The following PTPN14 variants were observed in gnomAD, a reference collection of about 807,000 sequenced individuals.
The protein encoded by PTPN14 is protein tyrosine phosphatase non-receptor type 14.
In PTPN14, 53 loss-of-function variants were observed where a neutral mutation model predicts 126.8. That is an observed-to-expected ratio of 0.42 (90% CI 0.34 to 0.53). The LOEUF (loss-of-function observed/expected upper bound fraction) is 0.53, where lower values mean the gene tolerates loss of function less well. Ranked by LOEUF, PTPN14 falls within the 20% of genes least tolerant of loss-of-function variation. The probability of loss-of-function intolerance (pLI) is 0.08; values close to 1 mark genes in which losing one functional copy is unlikely to be tolerated. For synonymous variants in PTPN14, 630 were observed against 599.3 expected (o/e 1.05, Z -0.75); for missense variants, 1,257 against 1,552.9 (o/e 0.81, Z 3.20).
chr1:214,373,600 CA>C (rs1658271646), intron 15 of PTPN14, among the ~76,000 whole-genome samples: 1 of 141,478 alleles, frequency 7.1e-6, no homozygotes, highest in Admixed American at 7.2e-5. Flanking sequence ...CACACACACA[CA>C]CACACACCTG....
chr1:214,530,920 T>C (rs904811251), intron 1 of PTPN14: 1 of 152,192 alleles, frequency 6.6e-6, no homozygotes, highest in African/African-American at 2.4e-5. Flanking sequence ...TCTATATTAA[T>C]ATAAAACATC....
At chr1:214,359,193 C>G (rs576884723) in intron 18 of PTPN14, among the ~76,000 whole-genome samples, 35 of 151,854 alleles carry the variant, frequency 2.3e-4, no homozygotes, top group Non-Finnish European at 4.6e-4. Context: ...GGAGTAAAAG[C>G]CTTCAACTGA....
At chr1:214,390,425 C>T (rs12078216) in intron 11 of PTPN14, among the ~76,000 whole-genome samples, 37,704 of 152,154 alleles carry the variant, frequency 0.25, 4,881 homozygotes, top group South Asian at 0.34. Flanking sequence ...AATTCAAACT[C>T]TGCTGGCTAA....
At chr1:214,386,546 C>T (rs908531777) in intron 12 of PTPN14, among the ~76,000 whole-genome samples, 4 of 152,176 alleles carry the variant, frequency 2.6e-5, no homozygotes, top group Admixed American at 6.5e-5. Context: ...GAAGTGCATT[C>T]GCTTGGGCTG....
At chr1:214,516,961 C>T (rs1380082519) in intron 1 of PTPN14, among the ~76,000 whole-genome samples, 1 of 152,124 alleles carries the variant, frequency 6.6e-6, no homozygotes, top group African/African-American at 2.4e-5. Context: ...AAGGCACCTG[C>T]TCTCCTCTCT....
In PTPN14 at chr1:214,369,550, G is replaced by T. The variant is rs199690849; in HGVS notation, c.3178C>A (p.His1060Asn). 14 of 1,614,126 alleles carry T rather than the reference G, an allele frequency of 8.7e-6. No homozygotes were observed. The highest frequency in any genetic ancestry group is 6.7e-5 in the Admixed American group (4 of 60,014). The stretch of plus-strand genomic sequence containing the variant: ...GTCCTTTCTTGCCCAGACAAAAGGT[G>T]CTTGACCTTCAAGCCCGTGGTTGCA... ...CYATTGLKVK[H>N]LLSGQERTVW... The change falls in exon 17 of 19, where the codon CAC becomes AAC. Residue 1060 changes from histidine (H) to asparagine (N), a missense_variant. By Grantham distance (68) the His-to-Asn change is moderately conservative. Transcript: ENST00000366956.
intron 18 of PTPN14, among the ~76,000 whole-genome samples, chr1:214,360,576 G>A (rs773820743): frequency 1.3e-5 from 2 of 152,112 alleles, no homozygotes; most frequent in Non-Finnish European, 2.9e-5. Context: ...CTGCGGTTGG[G>A]CACTGAAGAT....
Position 214,391,011 on chromosome 1 carries a change from G to A in PTPN14, c.964C>T (p.Pro322Ser), listed in dbSNP as rs1222194068. Reference protein sequence around the residue: ...SNSPPPIRRQPTWSRSSLPRQ... With the variant: ...SNSPPPIRRQSTWSRSSLPRQ... ...ACCAGAGAGGATCGGCTCCAGGTGGGCTGGCGTCTGATGGGGGGTGGAGAA... is the reference window on the plus strand; with the variant it reads ...ACCAGAGAGGATCGGCTCCAGGTGGACTGGCGTCTGATGGGGGGTGGAGAA... The change falls in exon 11 of 19, where the codon CCC (proline) becomes TCC (serine). Residue 322 changes from proline (P) to serine (S), a missense_variant. By Grantham distance (74) the Pro-to-Ser change is moderately conservative (BLOSUM62 -1). Around this residue, in one of 3 missense-constraint regions of PTPN14, gnomAD observed 1,021 missense variants for 1,183.3 expected, o/e 0.86. Coordinates refer to ENST00000366956, the MANE Select transcript of PTPN14 (RefSeq NM_005401.5). 1.3e-6 allele frequency: 2 copies of A among 1,586,318 alleles called. No homozygotes were observed. Among genetic ancestry groups the A allele is most frequent in the Non-Finnish European group, 1.7e-6 (2 of 1,161,002 alleles).
intron 1 of PTPN14, among the ~76,000 whole-genome samples, chr1:214,478,309 A>G (rs1453529368): frequency 6.6e-6 from 1 of 152,238 alleles, no homozygotes; most frequent in Non-Finnish European, 1.5e-5. Flanking sequence ...AATGAGTTCA[A>G]TCTATATTAG....
At chr1:214,398,451 GTTGT>G (rs1658937255) in intron 7 of PTPN14, among the ~76,000 whole-genome samples, 2 of 152,018 alleles carry the variant, frequency 1.3e-5, no homozygotes, top group South Asian at 2.1e-4. Flanking sequence ...GGTGTTTGTT[GTTGT>G]TTGTTTGTTT....
At chr1:214,419,993 A>G (rs895973201) in intron 3 of PTPN14, among the ~76,000 whole-genome samples, 1 of 152,212 alleles carries the variant, frequency 6.6e-6, no homozygotes, top group Admixed American at 6.6e-5. Context: ...GTTTATGACT[A>G]TTAAAGTCTA....
At chr1:214,463,842 T>C (rs1660565957) in intron 2 of PTPN14, among the ~76,000 whole-genome samples, 1 of 152,172 alleles carries the variant, frequency 6.6e-6, no homozygotes, top group Admixed American at 6.5e-5. Flanking sequence ...CCATACCACC[T>C]TCCCCACTGC....
chr1:214,377,177 T>C (rs1658361750), intron 14 of PTPN14, among the ~76,000 whole-genome samples: 1 of 152,248 alleles, frequency 6.6e-6, no homozygotes, highest in South Asian at 2.1e-4. Context: ...ACAGCATTTT[T>C]AAAGAACTCT....
At chr1:214,365,952 G>A (rs1024433467) in intron 17 of PTPN14, among the ~76,000 whole-genome samples, 1 of 152,136 alleles carries the variant, frequency 6.6e-6, no homozygotes, top group Non-Finnish European at 1.5e-5. Context: ...ATCACCTGAG[G>A]TCAGGAGTTT....
chr1:214,533,926 A>C (rs1414101382), intron 1 of PTPN14, among the ~76,000 whole-genome samples: 1 of 152,018 alleles, frequency 6.6e-6, no homozygotes, highest in Admixed American at 6.6e-5. Context: ...AAGGAGGATG[A>C]AAATGAGTTG....
intron 2 of PTPN14, among the ~76,000 whole-genome samples, chr1:214,463,130 TC>T (rs1660547888): frequency 6.6e-6 from 1 of 152,172 alleles, no homozygotes; most frequent in African/African-American, 2.4e-5. Flanking sequence ...TGCTACACTG[TC>T]CCCCGATGCA....
intron 13 of PTPN14, among the ~76,000 whole-genome samples, chr1:214,378,415 C>T (rs773713633): frequency 3.9e-5 from 6 of 152,124 alleles, no homozygotes; most frequent in Admixed American, 6.5e-5. Flanking sequence ...AGGGTACATG[C>T]GATACACTTT....
intron 3 of PTPN14, among the ~76,000 whole-genome samples, chr1:214,434,456 G>C (rs776368259): frequency 7.3e-5 from 11 of 151,104 alleles, no homozygotes; most frequent in Non-Finnish European, 1.3e-4. Context: ...AAGGACTCAA[G>C]AAGGAACAGA....
At chr1:214,519,514 C>G (rs1290844194) in intron 1 of PTPN14, among the ~76,000 whole-genome samples, 1 of 152,178 alleles carries the variant, frequency 6.6e-6, no homozygotes, top group Non-Finnish European at 1.5e-5. Flanking sequence ...TACATTGATA[C>G]ATTCCAGGGA....
Sources: gnomAD v4.1 joint callset for allele counts (sites outside exome capture counted in the v4.1 genomes callset) on GRCh38, gnomAD v4.1.1 for gene constraint, gnomAD v4.1.1 regional missense constraint, MANE v1.5 for transcripts, NCBI Gene and HGNC (gene_info 2026-07-23, HGNC 2026-07-21) for gene names.